Variants in OR3A2 observed in about 807,000 individuals in gnomAD.
The protein encoded by OR3A2 is olfactory receptor 3A2.
For synonymous variants in OR3A2, 126 were observed against 159.3 expected (o/e 0.79, Z 1.57); for missense variants, 318 against 392.8 (o/e 0.81, Z 1.61).
At chr17:3,305,970 A>C (rs1337640106) in intron 3 of OR3A2, among the ~76,000 whole-genome samples, 3 of 152,208 alleles carry the variant, frequency 2.0e-5, no homozygotes, top group Non-Finnish European at 4.4e-5. Flanking sequence ...TACTGTGCTC[A>C]ATTAATAGAT....
intron 2 of OR3A2, among the ~76,000 whole-genome samples, chr17:3,353,845 T>C (rs1183837679): frequency 1.3e-5 from 2 of 151,360 alleles, no homozygotes; most frequent in Non-Finnish European, 3.0e-5. Context: ...TATTTTAAAA[T>C]ATACCATTAA....
At chr17:3,359,491 T>A (rs1238600140) in intron 2 of OR3A2, among the ~76,000 whole-genome samples, 2 of 151,744 alleles carry the variant, frequency 1.3e-5, no homozygotes, top group Non-Finnish European at 2.9e-5. Context: ...CCCTCAATAT[T>A]TGCTTATCTG....
intron 3 of OR3A2, among the ~76,000 whole-genome samples, chr17:3,293,908 A>G (rs117271664): frequency 3.7e-3 from 561 of 152,320 alleles, no homozygotes; most frequent in Non-Finnish European, 6.5e-3. Context: ...CTGAACAATG[A>G]GAATACATGT....
At chr17:3,326,557 C>CT (rs144904025) in intron 3 of OR3A2, among the ~76,000 whole-genome samples, 54 of 149,358 alleles carry the variant, frequency 3.6e-4, no homozygotes, top group East Asian at 1.6e-3. Context: ...TTTTTTTCTT[C>CT]TTTTTTTTAT....
At chr17:3,368,635 T>C (rs776814139) in intron 2 of OR3A2, among the ~76,000 whole-genome samples, 11 of 152,226 alleles carry the variant, frequency 7.2e-5, no homozygotes, top group Non-Finnish European at 4.4e-5. Flanking sequence ...TTGGAAACTA[T>C]AGCCTTGTAG....
intron 2 of OR3A2, among the ~76,000 whole-genome samples, chr17:3,372,607 C>T (rs976069964): frequency 2.4e-4 from 36 of 152,234 alleles, no homozygotes; most frequent in Admixed American, 5.9e-4. Context: ...GGATCACTCG[C>T]GGTTAGGAGC....
intron 1 of OR3A2, among the ~76,000 whole-genome samples, chr17:3,385,484 G>C (rs1438638268): frequency 6.6e-6 from 1 of 152,226 alleles, no homozygotes; most frequent in Non-Finnish European, 1.5e-5. Context: ...AGTTTGGATA[G>C]ATAGATGATA....
intron 2 of OR3A2, among the ~76,000 whole-genome samples, chr17:3,375,139 C>CTCTTTT (rs1567572381): frequency 3.5e-5 from 1 of 28,702 alleles, no homozygotes; most frequent in Non-Finnish European, 6.7e-5. Flanking sequence ...AGCCTTCTTC[C>CTCTTTT]TTTTTTTTTT....
At chr17:3,320,692 T>C (rs1359711587) in intron 3 of OR3A2, among the ~76,000 whole-genome samples, 5 of 152,048 alleles carry the variant, frequency 3.3e-5, no homozygotes, top group African/African-American at 1.2e-4. Flanking sequence ...TAGCTGTAGA[T>C]AGGCGGCATT....
At chr17:3,350,438 A>G (rs1379202092) in intron 2 of OR3A2, among the ~76,000 whole-genome samples, 2 of 151,158 alleles carry the variant, frequency 1.3e-5, no homozygotes, top group Non-Finnish European at 3.0e-5. Context: ...TCTAGAAGAA[A>G]TGGATAAATT....
At chr17:3,383,694 G>T (rs2049756762) in intron 2 of OR3A2, 1 of 152,234 alleles carries the variant, frequency 6.6e-6, no homozygotes, top group Non-Finnish European at 1.5e-5. Context: ...TCTATACTGG[G>T]GCAAGGGGTG....
At chr17:3,291,767 G>A in intron 3 of OR3A2, 1 of 1,613,796 alleles carries the variant, frequency 6.2e-7, no homozygotes, top group Non-Finnish European at 8.5e-7. Context: ...CTTTATCCTT[G>A]TCTGAAAGCT....
chr17:3,360,159 C>T lies in OR3A2; in HGVS notation c.-179+23645G>A, dbSNP rs192316678. On this transcript the variant is annotated intron_variant, in intron 2 of 4. Coordinates refer to the OR3A2 transcript ENST00000573491. ...CTCATTGTGGTTTTAATTTGCATTT[C>T]TCTGATGGCCAGTGATGATGAACAT... Among the ~76,000 whole-genome samples the T allele has an allele frequency of 1.1e-3, 171 of 151,980 alleles. 6 individuals carry two copies. The highest frequency in any genetic ancestry group is 3.9e-3 in the African/African-American group (161 of 41,246).
chr17:3,377,298 A>G lies in OR3A2; in HGVS notation c.-179+6506T>C, dbSNP rs184911664. ...CCTCAGTTTGGTCATTTATAAAATG[A>G]AAATAATAATGCCCTACTTCATGAA... is the stretch of plus-strand genomic sequence containing the variant. On this transcript the variant is annotated intron_variant, in intron 2 of 4. Transcript: ENST00000573491. Among the ~76,000 whole-genome samples the G allele has an allele frequency of 3.1e-4, 47 of 152,342 alleles. No individual in the cohort carries two copies. In the East Asian group the frequency reaches 7.7e-3, roughly 25 times the overall value.
chr17:3,357,268 G>C (rs764070837), intron 2 of OR3A2, among the ~76,000 whole-genome samples: 2 of 151,628 alleles, frequency 1.3e-5, no homozygotes, highest in Non-Finnish European at 2.9e-5. Context: ...GGTGAGAGCT[G>C]ATTTCTCAAA....
intron 2 of OR3A2, among the ~76,000 whole-genome samples, chr17:3,355,937 A>T (rs919018033): frequency 4.7e-5 from 7 of 149,998 alleles, no homozygotes; most frequent in Non-Finnish European, 8.9e-5. Context: ...AGTCAAGATT[A>T]TTTGCTCTGG....
chr17:3,305,630 T>C (rs576438347), intron 3 of OR3A2, among the ~76,000 whole-genome samples: 2 of 152,338 alleles, frequency 1.3e-5, no homozygotes, highest in East Asian at 3.9e-4. Context: ...GTTAAGTGAA[T>C]GTTAGCACAT....
intron 2 of OR3A2, among the ~76,000 whole-genome samples, chr17:3,349,338 T>C (rs369831698): frequency 4.6e-5 from 7 of 152,134 alleles, no homozygotes; most frequent in East Asian, 3.9e-4. Context: ...TGGAGGAAGA[T>C]GTACCAAGCA....
intron 3 of OR3A2, among the ~76,000 whole-genome samples, chr17:3,332,510 C>T (rs188938163): frequency 0.014 from 2,186 of 152,354 alleles, 51 homozygotes; most frequent in African/African-American, 0.049. Context: ...AGGGAACTCC[C>T]TGACCCCTTG....
Sources: gnomAD v4.1 joint callset for allele counts (sites outside exome capture counted in the v4.1 genomes callset) on GRCh38, gnomAD v4.1.1 for gene constraint, MANE v1.5 for transcripts, NCBI Gene and HGNC (gene_info 2026-07-23, HGNC 2026-07-21) for gene names.